The following DNAH17 variants were observed in gnomAD, a reference collection of about 807,000 sequenced individuals.
DNAH17 encodes dynein axonemal heavy chain 17.
DNAH17 carries 376 observed loss-of-function variants against 485.6 expected under a neutral mutation model. The ratio of observed to expected loss-of-function variants is 0.77; its 90% CI spans 0.71 to 0.84. The LOEUF is 0.84. Ranked by LOEUF, DNAH17 falls within the 40% of genes least tolerant of loss-of-function variation. DNAH17 has a pLI of 0.00. For missense variants in DNAH17, 6,370 were observed against 5,839.3 expected, an observed-to-expected ratio of 1.09 and a Z score of -2.96; for synonymous variants, 3,031 against 2,405.9, an observed-to-expected ratio of 1.26 and a Z score of -7.60.
chr17:78,554,850 G>T (rs902578147), intron 14 of DNAH17, among the ~76,000 whole-genome samples: 1 of 152,200 alleles, frequency 6.6e-6, no homozygotes, highest in Non-Finnish European at 1.5e-5. Flanking sequence ...AGGTTCAAGC[G>T]ATTCTCCTGT....
chr17:78,520,104 T>C (rs2090896970), intron 25 of DNAH17, among the ~76,000 whole-genome samples: 1 of 118,642 alleles, frequency 8.4e-6, no homozygotes, highest in African/African-American at 3.2e-5. Flanking sequence ...AGAACGAAAC[T>C]CTGTTTCAAG....
intron 11 of DNAH17, among the ~76,000 whole-genome samples, chr17:78,566,364 A>T (rs1163480272): frequency 1.3e-5 from 2 of 152,202 alleles, no homozygotes; most frequent in Admixed American, 1.3e-4. Context: ...GAGCATAAGA[A>T]GTATCAGTAA....
Position 78,520,137 on chromosome 17 carries a change from A to G in DNAH17, c.3864+4872T>C, listed in dbSNP as rs555689744. Among the ~76,000 whole-genome samples, 5 of 152,284 alleles carry G rather than the reference A, an allele frequency of 3.3e-5. No individual in the cohort carries two copies. In the East Asian group the frequency reaches 9.6e-4, roughly 29 times the overall value. On this transcript the variant is annotated intron_variant, in intron 25 of 80. Coordinates refer to ENST00000389840, the MANE Select transcript of DNAH17 (RefSeq NM_173628.4). ...AAGAAAAAAAAAGTCAGTGTAATCA[A>G]TTATCTTAGCAGACTAAACAAAAAT... is the stretch of plus-strand genomic sequence containing the variant.
chr17:78,538,009 T>C (rs1412614425), intron 18 of DNAH17, among the ~76,000 whole-genome samples: 2 of 151,792 alleles, frequency 1.3e-5, no homozygotes, highest in African/African-American at 4.8e-5. Context: ...GGCCTGGTGG[T>C]GGGTGTCTGG....
intron 44 of DNAH17, among the ~76,000 whole-genome samples, chr17:78,488,827 G>A (rs1438110855): frequency 6.6e-6 from 1 of 152,152 alleles, no homozygotes; most frequent in Admixed American, 6.5e-5. Flanking sequence ...AAGGCCACGT[G>A]GAGACAGAGG....
rs978782851 is a variant in DNAH17, at chr17:78,524,549, C to T, written c.3864+460G>A. Among the ~76,000 whole-genome samples the T allele has an allele frequency of 6.6e-5, 10 of 152,148 alleles. No homozygotes were observed. The East Asian group carries it at 1.7e-3, about 26-fold the overall frequency. On this transcript the variant is annotated intron_variant, in intron 25 of 80. Transcript: ENST00000389840. ...GGGACTGTCTATGAGCCACAAAGTG[C>T]GTCCTCACCAGACATTACATCTGCC...
intron 56 of DNAH17, 58 bp from the exon 57 acceptor site, chr17:78,463,135 G>T: frequency 6.5e-7 from 1 of 1,538,876 alleles, no homozygotes; most frequent in Non-Finnish European, 8.9e-7. Context: ...TCAGCAAAGT[G>T]GGGCTCCCCA....
At chr17:78,459,397 G>A (rs1433628188) in intron 60 of DNAH17, among the ~76,000 whole-genome samples, 189 bp from the exon 61 acceptor site, 4 of 152,188 alleles carry the variant, frequency 2.6e-5, no homozygotes, top group South Asian at 4.1e-4. Flanking sequence ...ACCCCACAGT[G>A]GCATTGCCCA....
chr17:78,471,211 A>G (rs1307171249), intron 54 of DNAH17, among the ~76,000 whole-genome samples: 1 of 152,242 alleles, frequency 6.6e-6, no homozygotes, highest in East Asian at 1.9e-4. Flanking sequence ...CTCTCTGTTC[A>G]GAGAAACCTC....
rs1309148004 is a variant in DNAH17, at chr17:78,476,732, C to A, written c.7994G>T (p.Gly2665Val). ...AACTTCTGCTGTGGAAAATAAGAGT[C>A]CCTGCCCCAAACACAGGATGATCAG... ...NLRDLSNIFQ[G>V]LLFSTAEVLK... Residue 2665 changes from glycine (G) to valine (V), a missense_variant and splice_region_variant, in exon 52 of 81, where the codon GGA (glycine) becomes GTA (valine). By Grantham distance (109) the Gly-to-Val change is moderately radical. Coordinates refer to ENST00000389840, the MANE Select transcript of DNAH17 (RefSeq NM_173628.4). 1.2e-6 allele frequency: 2 copies of A among 1,611,204 alleles called. No homozygotes were observed. Among genetic ancestry groups the A allele is most frequent in the South Asian group, 2.2e-5 (2 of 90,384 alleles).
rs201653106 is a variant in DNAH17, at chr17:78,526,899, C to T, written c.3605G>A (p.Arg1202Gln). 147 of 1,576,464 alleles carry T rather than the reference C, an allele frequency of 9.3e-5. No homozygotes were observed. In the African/African-American group the frequency reaches 1.3e-3, roughly 14 times the overall value. ...TAATACCTCGAATTGCTGGCATTTC[C>T]GCCGCAGGATGCTGACCTCGTTGGC... is the stretch of plus-strand genomic sequence containing the variant. Reference protein sequence around the residue: ...LQANEVSILRRKCQQFELKQH... With the variant: ...LQANEVSILRQKCQQFELKQH... The change falls in exon 23 of 81, where the codon CGG becomes CAG. Residue 1202 changes from arginine to glutamine, a missense_variant. By Grantham distance (43) the Arg-to-Gln change is conservative. Coordinates refer to ENST00000389840, the MANE Select transcript of DNAH17 (RefSeq NM_173628.4).
intron 17 of DNAH17, among the ~76,000 whole-genome samples, chr17:78,542,989 G>T (rs1714205440): frequency 6.6e-6 from 1 of 152,224 alleles, no homozygotes; most frequent in Non-Finnish European, 1.5e-5. Flanking sequence ...CCCACATTGT[G>T]CTGGGCGAGG....
chr17:78,573,365 G>A (rs1185435377), intron 2 of DNAH17, among the ~76,000 whole-genome samples: 1 of 152,080 alleles, frequency 6.6e-6, no homozygotes, highest in Non-Finnish European at 1.5e-5. Flanking sequence ...TAGGGAGGCC[G>A]AGGCAGGTAC....
intron 54 of DNAH17, 132 bp downstream of exon 54, chr17:78,475,146 C>T: frequency 9.4e-7 from 1 of 1,062,536 alleles, no homozygotes; most frequent in Non-Finnish European, 1.4e-6. Flanking sequence ...GATAAAGACC[C>T]TTTGGATAAG....
intron 65 of DNAH17, 58 bp from the exon 66 acceptor site, chr17:78,451,731 A>C: frequency 2.1e-6 from 3 of 1,442,988 alleles, no homozygotes; most frequent in Non-Finnish European, 2.8e-6. Context: ...GGAGAGGAAC[A>C]CAAGTACAGA....
chr17:78,473,864 G>C (rs1424890046), intron 54 of DNAH17, among the ~76,000 whole-genome samples: 3 of 152,138 alleles, frequency 2.0e-5, no homozygotes, highest in Non-Finnish European at 4.4e-5. Context: ...AATGACACTT[G>C]AGTGGCCGCA....
In DNAH17 at chr17:78,444,781, T is replaced by C. The variant is rs888030135; in HGVS notation, c.11351A>G (p.Asp3784Gly). 1.3e-6 allele frequency: 2 copies of C among 1,575,756 alleles called. No individual in the cohort carries two copies. The highest frequency in any genetic ancestry group is 1.7e-6 in the Non-Finnish European group (2 of 1,163,966). Reference sequence around the variant, plus strand: ...GTCACTGTCCAGATTTTTGAACTCATCCATCTCCGAGAGGGCCTAGGGGCA... The same window carrying C: ...GTCACTGTCCAGATTTTTGAACTCACCCATCTCCGAGAGGGCCTAGGGGCA... ...WGGIKALSEM[D>G]EFKNLDSDIE... Residue 3784 changes from aspartate (D) to glycine (G), a missense_variant, in exon 71 of 81, where the codon GAT becomes GGT. Transcript: ENST00000389840.
intron 16 of DNAH17, among the ~76,000 whole-genome samples, chr17:78,544,871 ATC>A (rs1160566019): frequency 2.1e-5 from 3 of 145,910 alleles, no homozygotes; most frequent in Admixed American, 6.9e-5. Flanking sequence ...CTTTACTGTT[ATC>A]TGTCATTAGA....
intron 57 of DNAH17, among the ~76,000 whole-genome samples, chr17:78,462,159 G>A (rs1366973859): frequency 6.6e-6 from 1 of 151,494 alleles, no homozygotes; most frequent in African/African-American, 2.4e-5. Flanking sequence ...ATGACAGAGC[G>A]AGACTCTGTC....
Sources: allele counts gnomAD v4.1 joint callset (sites outside exome capture counted in the v4.1 genomes callset), GRCh38; gene constraint gnomAD v4.1.1; transcripts MANE v1.5; gene names NCBI Gene and HGNC (gene_info 2026-07-23, HGNC 2026-07-21).